Variants in ANKHD1 observed in about 807,000 individuals in gnomAD.
ANKHD1 encodes the protein ankyrin repeat and KH domain-containing protein 1.
In ANKHD1, 31 loss-of-function variants were observed where a neutral mutation model predicts 230.5. The observed-to-expected ratio is 0.13, with a 90% CI of 0.10 to 0.18. The LOEUF is 0.18. Ranked by LOEUF, ANKHD1 falls within the 10% of genes least tolerant of loss-of-function variation. ANKHD1 has a pLI of 1.00. For missense variants in ANKHD1, 2,256 were observed against 3,071.3 expected (o/e 0.73, Z 6.27); for synonymous variants, 1,074 against 1,117.6 (o/e 0.96, Z 0.78).
At chr5:140,498,411 C>T (rs1316941235) in intron 15 of ANKHD1, among the ~76,000 whole-genome samples, 1 of 152,130 alleles carries the variant, frequency 6.6e-6, no homozygotes. Flanking sequence ...TGTTTGACTT[C>T]CAATGGTTAT....
intron 29 of ANKHD1, among the ~76,000 whole-genome samples, chr5:140,533,975 T>C (rs1404517138): frequency 6.6e-6 from 1 of 152,134 alleles, no homozygotes; most frequent in East Asian, 1.9e-4. Flanking sequence ...AGCACAGTAA[T>C]AAATTGCCTA....
Position 140,526,131 on chromosome 5 carries a change from G to A in ANKHD1, c.4628G>A (p.Arg1543Gln), listed in dbSNP as rs899879439. The A allele has an allele frequency of 4.3e-6, 7 of 1,613,596 alleles. No homozygotes were observed. Among genetic ancestry groups the A allele is most frequent in the Non-Finnish European group, 5.9e-6 (7 of 1,179,952 alleles). Residue 1543 changes from arginine (R) to glutamine (Q), a missense_variant, in exon 26 of 34, where the codon CGG becomes CAG. Transcript: ENST00000360839. ...GTGGTGACAACTCCCAGCACCAATC[G>A]GAAAAATAAGAAGAACAAAACAAAA... ...ANVVTTPSTN[R>Q]KNKKNKTKET...
chr5:140,485,086 C>G lies in ANKHD1; in HGVS notation c.1871-35C>G. On this transcript the variant is annotated intron_variant, in intron 11 of 33. Coordinates refer to ENST00000360839, the MANE Select transcript of ANKHD1 (RefSeq NM_017747.3). This position sits in a 1 kb window ranked among gnomAD's most constrained non-coding sequence, Gnocchi z 4.8. The stretch of plus-strand genomic sequence containing the variant: ...TGACTATGAACTAGCTTGATGTCAA[C>G]CTTTGCTAAGATTGCGATTTATTTT... 1 of 1,585,376 alleles carries G rather than the reference C, an allele frequency of 6.3e-7. No individual in the cohort carries two copies. The highest frequency in any genetic ancestry group is 1.3e-5 in the African/African-American group (1 of 74,412).
chr5:140,443,506 C>T (rs981731410), intron 5 of ANKHD1, among the ~76,000 whole-genome samples: 5 of 151,438 alleles, frequency 3.3e-5, no homozygotes, highest in African/African-American at 9.7e-5. Flanking sequence ...CTGGCTAACA[C>T]GGTGAAACCC....
chr5:140,408,945 T>G (rs1354554451), intron 1 of ANKHD1, among the ~76,000 whole-genome samples: 1 of 152,202 alleles, frequency 6.6e-6, no homozygotes, highest in Non-Finnish European at 1.5e-5. Context: ...ATAGACATTT[T>G]GGGACAGAGA....
chr5:140,432,140 G>A (rs1773095092), intron 1 of ANKHD1, among the ~76,000 whole-genome samples: 2 of 152,124 alleles, frequency 1.3e-5, no homozygotes, highest in East Asian at 1.9e-4. Flanking sequence ...CTACATTTCA[G>A]TGATTTTTAG....
chr5:140,486,291 C>T (rs1367772716), intron 13 of ANKHD1, among the ~76,000 whole-genome samples: 1 of 152,132 alleles, frequency 6.6e-6, no homozygotes, highest in Non-Finnish European at 1.5e-5. Context: ...TCTCAAACTC[C>T]TGAGCTCAGG....
chr5:140,401,842 T>C lies in ANKHD1; in HGVS notation c.-126T>C. On this transcript the variant is annotated 5_prime_UTR_variant, in exon 1 of 34. Coordinates refer to ENST00000360839, the MANE Select transcript of ANKHD1 (RefSeq NM_017747.3). The stretch of plus-strand genomic sequence containing the variant: ...AGGCAGCAGGTTAGGCAGTGAGAAG[T>C]TAGTGGCGCTGCTGGGACGGGGGAA... The C allele has an allele frequency of 1.4e-6, 2 of 1,388,908 alleles. No homozygotes were observed. The highest frequency in any genetic ancestry group is 1.9e-6 in the Non-Finnish European group (2 of 1,074,184). The allele number at this position is 1,388,908 out of a possible 1,614,324, so 86.0% of individuals were successfully genotyped here.
intron 5 of ANKHD1, 69 bp downstream of exon 5, chr5:140,441,211 T>A: frequency 7.1e-7 from 1 of 1,406,796 alleles, no homozygotes; most frequent in Non-Finnish European, 9.3e-7. Context: ...GAGAGAAAAA[T>A]TAGATTTCTG....
intron 10 of ANKHD1, among the ~76,000 whole-genome samples, chr5:140,478,835 G>GCTGGTCTCTAT (rs1292083615): frequency 2.0e-5 from 3 of 151,698 alleles, no homozygotes. Context: ...GTAGAGATAG[G>GCTGGTCTCTAT]GTTTCTCCAT....
intron 4 of ANKHD1, 148 bp from the exon 5 acceptor site, chr5:140,440,847 G>A (rs1056770066): frequency 2.0e-6 from 2 of 1,006,110 alleles, no homozygotes; most frequent in Middle Eastern, 3.1e-4. Flanking sequence ...TAAGCAGTGA[G>A]TATTGGCATA....
chr5:140,417,239 T>G (rs867801835), intron 1 of ANKHD1, among the ~76,000 whole-genome samples: 2 of 152,040 alleles, frequency 1.3e-5, no homozygotes, highest in Admixed American at 6.5e-5. Flanking sequence ...TTATCCTTTA[T>G]ATGATTAGAT....
intron 24 of ANKHD1, among the ~76,000 whole-genome samples, chr5:140,517,381 C>T (rs1445281799): frequency 2.0e-5 from 3 of 150,248 alleles, no homozygotes; most frequent in Non-Finnish European, 3.0e-5. Context: ...GACAGATCAA[C>T]GAGACAGAAA....
chr5:140,482,101 A>T (rs973022295), intron 10 of ANKHD1, among the ~76,000 whole-genome samples: 1 of 152,054 alleles, frequency 6.6e-6, no homozygotes, highest in East Asian at 1.9e-4. Context: ...ACCCATTGGT[A>T]TATTTTTCTT....
intron 30 of ANKHD1, among the ~76,000 whole-genome samples, chr5:140,536,425 G>A (rs1338457547): frequency 6.6e-6 from 1 of 152,198 alleles, no homozygotes; most frequent in South Asian, 2.1e-4. Flanking sequence ...GTTTAGAACA[G>A]ATGAAGTATG....
intron 25 of ANKHD1, 117 bp from the exon 26 acceptor site, chr5:140,525,879 T>G: frequency 1.6e-5 from 19 of 1,196,782 alleles, no homozygotes; most frequent in South Asian, 2.0e-5. Flanking sequence ...TGAATACTGG[T>G]GAAAGGAAAA....
chr5:140,405,924 T>A (rs1218226611), intron 1 of ANKHD1, among the ~76,000 whole-genome samples: 9 of 148,394 alleles, frequency 6.1e-5, no homozygotes, highest in African/African-American at 2.2e-4. Context: ...TGAGCCACCA[T>A]GCCTGGCCTT....
intron 5 of ANKHD1, among the ~76,000 whole-genome samples, chr5:140,443,248 T>C (rs1269649765): frequency 2.0e-5 from 3 of 152,128 alleles, no homozygotes; most frequent in African/African-American, 7.2e-5. Flanking sequence ...TTGTGTAATA[T>C]TTCCTTGAAT....
chr5:140,422,366 C>T (rs1017720125), intron 1 of ANKHD1, among the ~76,000 whole-genome samples: 3 of 151,986 alleles, frequency 2.0e-5, no homozygotes, highest in Non-Finnish European at 4.4e-5. Context: ...CTCAGGTGAT[C>T]TGCCTGCCTC....
Sources: gnomAD v4.1 joint callset for allele counts (sites outside exome capture counted in the v4.1 genomes callset) on GRCh38, gnomAD v4.1.1 for gene constraint, Gnocchi (gnomAD v3.1) non-coding constraint, MANE v1.5 for transcripts, NCBI Gene and HGNC (gene_info 2026-07-23, HGNC 2026-07-21) for gene names.